The following VPS54 variants were observed in gnomAD, a reference collection of about 807,000 sequenced individuals.
VPS54 encodes VPS54 subunit of GARP complex.
A neutral mutation model predicts 121.5 loss-of-function variants in VPS54; 45 were observed. The observed-to-expected ratio is 0.37, with a 90% CI of 0.29 to 0.47. The LOEUF is 0.47. Among genes scored for constraint, VPS54 ranks in the 20% least tolerant of loss-of-function variants. VPS54 has a pLI of 0.99. For synonymous variants in VPS54, 371 were observed against 385.8 expected, an observed-to-expected ratio of 0.96 and a Z score of 0.45; for missense variants, 1,090 against 1,131.4, an observed-to-expected ratio of 0.96 and a Z score of 0.52.
intron 12 of VPS54, among the ~76,000 whole-genome samples, chr2:63,925,538 T>C (rs1030496394): frequency 1.3e-5 from 2 of 152,234 alleles, no homozygotes; most frequent in African/African-American, 4.8e-5. Flanking sequence ...TTGTAACATG[T>C]GCAACAAAGG....
chr2:63,917,094 A>C, intron 15 of VPS54, 131 bp from the exon 16 acceptor site: 1 of 874,408 alleles, frequency 1.1e-6, no homozygotes, highest in Non-Finnish European at 1.8e-6. Flanking sequence ...ACTTCCTGGG[A>C]AACTATTTGG....
At chr2:63,997,300 G>C (rs527863327) in intron 1 of VPS54, among the ~76,000 whole-genome samples, 1 of 152,234 alleles carries the variant, frequency 6.6e-6, no homozygotes, top group South Asian at 2.1e-4. Context: ...TTAAATGTTT[G>C]GTAGAATTCA....
intron 1 of VPS54, among the ~76,000 whole-genome samples, chr2:64,002,734 A>G (rs1677946188): frequency 6.6e-6 from 1 of 152,212 alleles, no homozygotes; most frequent in African/African-American, 2.4e-5. Context: ...TTTGACTTGG[A>G]AAACATATGC....
chr2:63,906,331 G>C (rs549433383), intron 20 of VPS54, among the ~76,000 whole-genome samples: 1 of 151,980 alleles, frequency 6.6e-6, no homozygotes, highest in African/African-American at 2.4e-5. Flanking sequence ...CAAGGATGCA[G>C]GACACAAAGT....
intron 21 of VPS54, 21 bp from the exon 22 acceptor site, chr2:63,897,611 A>C (rs1436978531): frequency 1.5e-6 from 2 of 1,346,296 alleles, no homozygotes; most frequent in South Asian, 1.3e-5. Context: ...AATAAAACTA[A>C]GTTTCTTAAA....
chr2:63,999,162 C>T (rs1471534454), intron 1 of VPS54, among the ~76,000 whole-genome samples: 10 of 152,102 alleles, frequency 6.6e-5, no homozygotes, highest in African/African-American at 2.4e-4. Flanking sequence ...GTTAGCCAGG[C>T]TAGTCTTCAA....
At chr2:64,007,383 AGAC>A (rs974287827) in intron 1 of VPS54, among the ~76,000 whole-genome samples, 13 of 152,220 alleles carry the variant, frequency 8.5e-5, no homozygotes, top group African/African-American at 3.1e-4. Flanking sequence ...GAAGTAGAGT[AGAC>A]GAGATAAAAA....
chr2:63,955,556 C>T (rs1440004), intron 7 of VPS54, among the ~76,000 whole-genome samples: 118,393 of 151,692 alleles, frequency 0.78, 47,754 homozygotes, highest in African/African-American at 0.91. Flanking sequence ...TTATTTTAAA[C>T]AACTTGAATA....
At chr2:63,932,548 C>T (rs1344593146) in intron 12 of VPS54, among the ~76,000 whole-genome samples, 2 of 151,668 alleles carry the variant, frequency 1.3e-5, no homozygotes, top group African/African-American at 4.8e-5. Context: ...GGAGAAATAC[C>T]TAATGTAGGT....
chr2:63,946,360 T>G (rs1345116922), intron 9 of VPS54, among the ~76,000 whole-genome samples: 1 of 152,150 alleles, frequency 6.6e-6, no homozygotes, highest in African/African-American at 2.4e-5. Context: ...TGCTGTGTTT[T>G]GGTGAACTTA....
intron 1 of VPS54, among the ~76,000 whole-genome samples, chr2:63,986,451 T>A (rs778740525): frequency 7.9e-5 from 12 of 152,252 alleles, no homozygotes; most frequent in Non-Finnish European, 1.6e-4. Context: ...CATCCTTTTC[T>A]ATGGCTGAAT....
chr2:63,934,832 G>A (rs1674378992), intron 11 of VPS54, among the ~76,000 whole-genome samples: 1 of 152,144 alleles, frequency 6.6e-6, no homozygotes, highest in Non-Finnish European at 1.5e-5. Context: ...AATATTGAAA[G>A]CTAGGCAAAT....
At chr2:63,995,389 C>G (rs568897395) in intron 1 of VPS54, among the ~76,000 whole-genome samples, 3 of 152,306 alleles carry the variant, frequency 2.0e-5, no homozygotes, top group South Asian at 4.1e-4. Flanking sequence ...ATCTGGATTC[C>G]GGTAACTTTG....
At chr2:63,947,548 G>A in intron 8 of VPS54, 58 bp from the exon 9 acceptor site, 2 of 1,287,968 alleles carry the variant, frequency 1.6e-6, no homozygotes, top group East Asian at 2.9e-5. Context: ...TTTACTTAGA[G>A]GTAGAAATAT....
At chr2:63,931,564 C>G (rs917268280) in intron 12 of VPS54, among the ~76,000 whole-genome samples, 1 of 152,142 alleles carries the variant, frequency 6.6e-6, no homozygotes, top group African/African-American at 2.4e-5. Context: ...AGAAGAAAAC[C>G]TGGGCAATAC....
In VPS54 at chr2:63,994,503, G is replaced by A. The variant is rs182771710; in HGVS notation, c.-20-10484C>T. Among the ~76,000 whole-genome samples, 371 of 152,232 alleles carry A rather than the reference G, an allele frequency of 2.4e-3. 1 individual carries two copies. Among genetic ancestry groups the A allele is most frequent in the African/African-American group, 8.1e-3 (337 of 41,548 alleles). On this transcript the variant is annotated intron_variant, in intron 1 of 22. Coordinates refer to ENST00000272322, the MANE Select transcript of VPS54 (RefSeq NM_016516.3). ...TGGAGCTACAGATGACCGTTGCCCCGCTCAATCAGGAAAAGGCGGCACTGC... is the reference window on the plus strand; with the variant it reads ...TGGAGCTACAGATGACCGTTGCCCCACTCAATCAGGAAAAGGCGGCACTGC...
chr2:63,991,784 T>C (rs1178151668), intron 1 of VPS54, among the ~76,000 whole-genome samples: 2 of 152,156 alleles, frequency 1.3e-5, no homozygotes, highest in African/African-American at 4.8e-5. Context: ...CAACATTGCA[T>C]TTCCACTTCA....
chr2:63,900,148 A>G (rs1672614475), intron 20 of VPS54, among the ~76,000 whole-genome samples: 1 of 133,144 alleles, frequency 7.5e-6, no homozygotes, highest in South Asian at 2.5e-4. Context: ...TGGACCTGGG[A>G]GGTGCAGGTT....
chr2:63,947,425 A>G lies in VPS54; in HGVS notation c.1203T>C (p.Tyr401=), dbSNP rs886461998. The stretch of plus-strand genomic sequence containing the variant: ...TTGCTGTAATAACCATTTTTTCACC[A>G]TAGATTTCTAAAAAATTAAGCTTTC... The part of the protein sequence containing the change: ...KQRKLNFLEI[Y]GEKMVITAKN... Residue 401 remains tyrosine (Y), a synonymous_variant, in exon 9 of 23, where the codon TAT becomes TAC. Transcript: ENST00000272322. 2.6e-6 allele frequency: 4 copies of G among 1,555,164 alleles called. No individual in the cohort carries two copies. Among genetic ancestry groups the G allele is most frequent in the Admixed American group, 1.8e-5 (1 of 56,332 alleles).
Sources: allele counts gnomAD v4.1 joint callset (sites outside exome capture counted in the v4.1 genomes callset), GRCh38; gene constraint gnomAD v4.1.1; transcripts MANE v1.5; gene names NCBI Gene and HGNC (gene_info 2026-07-23, HGNC 2026-07-21).